The following DNAH12 variants were observed in gnomAD, a reference collection of about 807,000 sequenced individuals.
DNAH12 encodes the protein dynein axonemal heavy chain 12.
In DNAH12, 285 loss-of-function variants were observed where a neutral mutation model predicts 371.5. That is an observed-to-expected ratio of 0.77 (90% CI 0.70 to 0.85). DNAH12 has a LOEUF of 0.85. DNAH12 is among the 40% of genes least tolerant of loss of function. The pLI, the probability that DNAH12 is intolerant of heterozygous loss-of-function variation, is 0.00. For missense variants in DNAH12, 3,611 were observed against 3,689.4 expected (o/e 0.98, Z 0.55); for synonymous variants, 1,200 against 1,213.0 (o/e 0.99, Z 0.22).
intron 40 of DNAH12, among the ~76,000 whole-genome samples, chr3:57,407,190 C>T (rs1303612421): frequency 2.0e-5 from 3 of 151,850 alleles, no homozygotes; most frequent in African/African-American, 7.3e-5. Flanking sequence ...AGTCACTGCG[C>T]CCAGCCAACG....
intron 2 of DNAH12, among the ~76,000 whole-genome samples, chr3:57,525,032 G>A (rs755681194): frequency 4.0e-5 from 6 of 151,494 alleles, no homozygotes; most frequent in African/African-American, 9.7e-5. Flanking sequence ...AAAGAAAAAA[G>A]CATACAAGGG....
At chr3:57,384,751 C>A (rs1303638402) in intron 49 of DNAH12, 78 bp downstream of exon 49, 1 of 152,176 alleles carries the variant, frequency 6.6e-6, no homozygotes, top group African/African-American at 2.4e-5. Context: ...TGAAATACAG[C>A]CATTTCTAAT....
chr3:57,527,561 C>T (rs1016161523), intron 2 of DNAH12, among the ~76,000 whole-genome samples: 3 of 152,140 alleles, frequency 2.0e-5, no homozygotes, highest in African/African-American at 7.2e-5. Context: ...GGGAGGCACA[C>T]TTTGAAGCAA....
At chr3:57,393,687 G>A (rs1265667950) in intron 44 of DNAH12, among the ~76,000 whole-genome samples, 5 of 148,786 alleles carry the variant, frequency 3.4e-5, no homozygotes, top group African/African-American at 1.3e-4. Context: ...AGAAATGAGG[G>A]TTAAAGTAGG....
chr3:57,417,814 C>T (rs938118932), intron 37 of DNAH12, among the ~76,000 whole-genome samples: 3 of 152,020 alleles, frequency 2.0e-5, no homozygotes, highest in African/African-American at 7.2e-5. Flanking sequence ...ACTACTATGG[C>T]CCAAATATGT....
chr3:57,509,186 C>T lies in DNAH12; in HGVS notation c.496G>A (p.Val166Ile), dbSNP rs894800761. 1.9e-6 allele frequency: 3 copies of T among 1,613,700 alleles called. No individual in the cohort carries two copies. The highest frequency in any genetic ancestry group is 1.3e-5 in the African/African-American group (1 of 74,898). ...CCTCCTTCATCTTCAAGCGATTTAA[C>T]TGGTGGTTTCACAAGAACGCTCTGC... is the stretch of plus-strand genomic sequence containing the variant. ...LVQSVLVKPP[V>I]KSLEDEGGPL... Residue 166 changes from valine (V) to isoleucine (I), a missense_variant, in exon 6 of 74, where the codon GTT becomes ATT. Coordinates refer to ENST00000495027, the MANE Select transcript of DNAH12 (RefSeq NM_001366028.2).
intron 25 of DNAH12, among the ~76,000 whole-genome samples, chr3:57,450,749 C>T (rs1382795097): frequency 6.6e-6 from 1 of 152,188 alleles, no homozygotes; most frequent in Non-Finnish European, 1.5e-5. Context: ...AGTTCTTGCC[C>T]ACAGGCAGCT....
chr3:57,429,564 G>T, intron 33 of DNAH12, 127 bp downstream of exon 33: 1 of 808,476 alleles, frequency 1.2e-6, no homozygotes, highest in Non-Finnish European at 2.0e-6. Context: ...AGCATACACT[G>T]TGTCTTATTC....
At chr3:57,339,411 C>G (rs1377588857) in intron 60 of DNAH12, among the ~76,000 whole-genome samples, 1 of 150,034 alleles carries the variant, frequency 6.7e-6, no homozygotes, top group South Asian at 2.1e-4. Flanking sequence ...GAAAGTTGAT[C>G]TCATGAGAAA....
intron 57 of DNAH12, among the ~76,000 whole-genome samples, chr3:57,365,323 C>A (rs1298110596): frequency 3.3e-5 from 5 of 152,234 alleles, no homozygotes; most frequent in Admixed American, 6.5e-5. Context: ...ATGGATGGAG[C>A]TGGAAGCCAT....
chr3:57,531,291 G>A (rs1029671895), intron 2 of DNAH12, among the ~76,000 whole-genome samples: 2 of 152,118 alleles, frequency 1.3e-5, no homozygotes, highest in Non-Finnish European at 2.9e-5. Context: ...TTTTCCAGAT[G>A]CAGTAGTCTA....
At chr3:57,497,695 G>T (rs1291490693) in intron 11 of DNAH12, among the ~76,000 whole-genome samples, 1 of 152,042 alleles carries the variant, frequency 6.6e-6, no homozygotes, top group African/African-American at 2.4e-5. Flanking sequence ...TAAAATGTAG[G>T]AACAAATCTT....
intron 65 of DNAH12, among the ~76,000 whole-genome samples, chr3:57,321,268 G>A (rs1194878855): frequency 6.6e-6 from 1 of 152,050 alleles, no homozygotes; most frequent in East Asian, 1.9e-4. Flanking sequence ...TCTAAGATTT[G>A]CAAACAAAAT....
chr3:57,392,899 G>T, intron 44 of DNAH12, among the ~76,000 whole-genome samples: 1 of 152,232 alleles, frequency 6.6e-6, no homozygotes, highest in Non-Finnish European at 1.5e-5. Context: ...TATGGAGGAT[G>T]CATTTCTCCT....
In DNAH12 at chr3:57,461,644, C is replaced by T; in HGVS notation, c.2581G>A (p.Glu861Lys). 3.2e-6 allele frequency: 5 copies of T among 1,551,088 alleles called. No individual in the cohort carries two copies. The highest frequency in any genetic ancestry group is 4.4e-6 in the Non-Finnish European group (5 of 1,146,806). Residue 861 changes from glutamate (E) to lysine (K), a missense_variant, in exon 19 of 74, where the codon GAA becomes AAA. Physicochemically the swap from Glu to Lys is moderately conservative, Grantham distance 56 (BLOSUM62 1). Coordinates refer to ENST00000495027, the MANE Select transcript of DNAH12 (RefSeq NM_001366028.2). ...AGACTTATATGAAAAGCAATATCTT[C>T]CCAAGTTCCTATCATTGTATTCATG... ...KAMNTMIGTW[E>K]DIAFHISLYR...
Position 57,458,249 on chromosome 3 carries a change from C to T in DNAH12, c.2932-29G>A, listed in dbSNP as rs551692394. 8.5e-6 allele frequency: 13 copies of T among 1,525,196 alleles called. No homozygotes were observed. The African/African-American group carries it at 1.4e-4, about 16-fold the overall frequency. 94.5% of individuals were successfully genotyped at this position (1,525,196 alleles called of 1,614,324 possible). ...AACGAGACACATGCATTCAAGTCAG[C>T]ACTTTTATGCCAGATATAATTATGA... On this transcript the variant is annotated intron_variant, in intron 20 of 73. Coordinates refer to ENST00000495027, the MANE Select transcript of DNAH12 (RefSeq NM_001366028.2).
rs947424311 is a variant in DNAH12, at chr3:57,392,000, A to G, written c.7177T>C (p.Phe2393Leu). Reference sequence around the variant, plus strand: ...TTATCTTTGCAGCGATTCACAAAGAAAGCAAACAGAGCTAAGGGACTGAGT... The same window carrying G: ...TTATCTTTGCAGCGATTCACAAAGAGAGCAAACAGAGCTAAGGGACTGAGT... ...DELSPLALFAFFVNRCKDNLH... is the reference protein window; with the variant it reads ...DELSPLALFALFVNRCKDNLH... Residue 2393 changes from phenylalanine to leucine, a missense_variant, in exon 45 of 74, where the codon TTC becomes CTC. This residue lies in a region of DNAH12 where 2,266 missense variants were observed against 2,236.9 expected (regional missense o/e 1.01). Transcript: ENST00000495027. 6.6e-6 allele frequency: 1 copy of G among 152,278 alleles called. No homozygotes were observed. Among genetic ancestry groups the G allele is most frequent in the South Asian group, 2.1e-4 (1 of 4,830 alleles). The allele number at this position is 152,278 out of a possible 1,614,324, so 9.4% of individuals were successfully genotyped here. A position where few individuals can be genotyped will look rare whatever the true frequency, so the allele number is the denominator to read the frequency against.
intron 30 of DNAH12, among the ~76,000 whole-genome samples, chr3:57,435,805 A>C (rs1355519699): frequency 1.3e-5 from 2 of 152,086 alleles, no homozygotes; most frequent in Non-Finnish European, 2.9e-5. Context: ...ATACATAATA[A>C]ATAATATTTA....
intron 60 of DNAH12, among the ~76,000 whole-genome samples, chr3:57,336,229 A>G (rs1468729768): frequency 6.6e-6 from 1 of 152,340 alleles, no homozygotes; most frequent in African/African-American, 2.4e-5. Context: ...AAGGAATACA[A>G]AATGTCCAGC....
Sources: allele counts gnomAD v4.1 joint callset (sites outside exome capture counted in the v4.1 genomes callset), GRCh38; gene constraint gnomAD v4.1.1; regional missense constraint gnomAD v4.1.1; transcripts MANE v1.5; gene names NCBI Gene and HGNC (gene_info 2026-07-23, HGNC 2026-07-21).